COL23A1: variants seen among roughly 807,000 people sequenced by gnomAD.
COL23A1 encodes collagen alpha-1(XXIII) chain.
A neutral mutation model predicts 99.3 loss-of-function variants in COL23A1; 97 were observed. That is an observed-to-expected ratio of 0.98 (90% CI 0.83 to 1.16). The LOEUF (loss-of-function observed/expected upper bound fraction) is 1.16. COL23A1 is among the 50% of genes most tolerant of loss of function. The probability of loss-of-function intolerance (pLI) is 0.00; values close to 1 mark genes in which losing one functional copy is unlikely to be tolerated. For synonymous variants in COL23A1, 320 were observed against 308.2 expected, an observed-to-expected ratio of 1.04 and a Z score of -0.40; for missense variants, 762 against 757.4, an observed-to-expected ratio of 1.01 and a Z score of -0.07.
chr5:178,444,140 A>T (rs1401111788), intron 2 of COL23A1, among the ~76,000 whole-genome samples: 2 of 152,156 alleles, frequency 1.3e-5, no homozygotes, highest in Non-Finnish European at 1.5e-5. Flanking sequence ...CAGGAGGTCA[A>T]GGCTGCAGTA....
intron 2 of COL23A1, among the ~76,000 whole-genome samples, chr5:178,497,611 T>G (rs1163598734): frequency 2.0e-5 from 3 of 152,150 alleles, no homozygotes; most frequent in African/African-American, 7.2e-5. Context: ...CATAAAATGT[T>G]TACAGAAACA....
intron 2 of COL23A1, among the ~76,000 whole-genome samples, chr5:178,549,362 T>C (rs1268495516): frequency 6.6e-6 from 1 of 151,018 alleles, no homozygotes; most frequent in Non-Finnish European, 1.5e-5. Flanking sequence ...AAATAACAAG[T>C]AGTAGGACAA....
intron 2 of COL23A1, among the ~76,000 whole-genome samples, chr5:178,559,489 C>A (rs519817): frequency 1.6e-4 from 20 of 127,382 alleles, no homozygotes; most frequent in South Asian, 8.3e-4. Flanking sequence ...CACCCAAAAG[C>A]CACCTTTCCC....
intron 2 of COL23A1, among the ~76,000 whole-genome samples, chr5:178,545,489 C>T (rs1489164534): frequency 2.0e-5 from 3 of 152,006 alleles, no homozygotes; most frequent in East Asian, 1.9e-4. Flanking sequence ...GTGCCAGGGG[C>T]GGGGAGGAAC....
At chr5:178,249,716 A>ACACACACACACACACACTCTCTCTCT in intron 18 of COL23A1, among the ~76,000 whole-genome samples, 2 of 92,754 alleles carry the variant, frequency 2.2e-5, no homozygotes, top group Admixed American at 1.1e-4. Context: ...ACACACACAC[A>ACACACACACACACACACTCTCTCTCT]CTCTCTCTCT....
chr5:178,577,427 G>C (rs1448538197), intron 1 of COL23A1, among the ~76,000 whole-genome samples: 1 of 152,238 alleles, frequency 6.6e-6, no homozygotes, highest in Non-Finnish European at 1.5e-5. Flanking sequence ...ACTTCGCCAC[G>C]GGAAGGAGGC....
At chr5:178,353,022 G>A (rs960136557) in intron 2 of COL23A1, among the ~76,000 whole-genome samples, 10 of 152,168 alleles carry the variant, frequency 6.6e-5, no homozygotes, top group African/African-American at 1.9e-4. Flanking sequence ...ATGCACATAC[G>A]CTTTGATCTA....
intron 2 of COL23A1, among the ~76,000 whole-genome samples, chr5:178,555,734 T>C (rs527802738): frequency 6.6e-6 from 1 of 151,916 alleles, no homozygotes; most frequent in East Asian, 1.9e-4. Flanking sequence ...CAAGGCGGAG[T>C]CAAGACTCAA....
intron 2 of COL23A1, among the ~76,000 whole-genome samples, chr5:178,513,572 T>C (rs1224487551): frequency 6.6e-6 from 1 of 152,202 alleles, no homozygotes; most frequent in Non-Finnish European, 1.5e-5. Flanking sequence ...TTCCTGCTCA[T>C]CTGGGTGGTT....
Position 178,385,122 on chromosome 5 carries a change from C to T in COL23A1, c.362-78203G>A, listed in dbSNP as rs549493376. 1.4e-4 allele frequency among the ~76,000 whole-genome samples: 21 copies of T among 152,314 alleles called. No individual in the cohort carries two copies. The South Asian group carries it at 3.3e-3, about 24-fold the overall frequency. ...AGCATTGGGGTGGGGTTATCACCCA[C>T]AGCTATAGGAGTGTGGGACTTGCTG... On this transcript the variant is annotated intron_variant, in intron 2 of 28. Transcript: ENST00000390654.
At chr5:178,470,906 G>C (rs1162088239) in intron 2 of COL23A1, among the ~76,000 whole-genome samples, 4 of 152,234 alleles carry the variant, frequency 2.6e-5, no homozygotes, top group African/African-American at 9.6e-5. Flanking sequence ...AGGAGCCCCA[G>C]AGTGTGCACT....
intron 2 of COL23A1, 132 bp downstream of exon 2, chr5:178,560,550 A>C: frequency 1.4e-6 from 1 of 704,808 alleles, no homozygotes. Context: ...GTGGGAAAGA[A>C]AGGCCCCAGG....
intron 5 of COL23A1, among the ~76,000 whole-genome samples, chr5:178,275,027 T>C (rs1380680221): frequency 6.6e-6 from 1 of 152,166 alleles, no homozygotes; most frequent in East Asian, 1.9e-4. Flanking sequence ...GGGCTGCACA[T>C]GAGCAGCAGG....
intron 4 of COL23A1, 155 bp from the exon 5 acceptor site, chr5:178,288,505 TG>T: frequency 1.4e-6 from 1 of 739,252 alleles, no homozygotes; most frequent in South Asian, 1.5e-5. Flanking sequence ...CCAGGGGTCT[TG>T]GGGGCAGAGC....
At chr5:178,554,277 C>T (rs1562084852) in intron 2 of COL23A1, among the ~76,000 whole-genome samples, 1 of 152,068 alleles carries the variant, frequency 6.6e-6, no homozygotes, top group Admixed American at 6.5e-5. Flanking sequence ...CTCCTGAGTT[C>T]AAGCAATCCT....
At chr5:178,515,272 C>T (rs1759440079) in intron 2 of COL23A1, among the ~76,000 whole-genome samples, 1 of 152,242 alleles carries the variant, frequency 6.6e-6, no homozygotes, top group Non-Finnish European at 1.5e-5. Flanking sequence ...TCCAGCCTCC[C>T]TCCCTGCAGC....
intron 2 of COL23A1, among the ~76,000 whole-genome samples, chr5:178,347,133 C>T (rs1169816179): frequency 1.3e-5 from 2 of 152,172 alleles, no homozygotes; most frequent in African/African-American, 2.4e-5. Flanking sequence ...CACTGGGAGC[C>T]GCACTGGCCC....
intron 14 of COL23A1, among the ~76,000 whole-genome samples, chr5:178,256,661 G>T (rs1765316666): frequency 6.6e-6 from 1 of 152,170 alleles, no homozygotes; most frequent in Non-Finnish European, 1.5e-5. Context: ...CACAAAGCTG[G>T]GCACCAGTGG....
intron 2 of COL23A1, among the ~76,000 whole-genome samples, chr5:178,529,908 G>A (rs1335216308): frequency 2.0e-5 from 3 of 152,212 alleles, no homozygotes; most frequent in African/African-American, 4.8e-5. Context: ...GTCTTGTTTT[G>A]TAAGGTAGCA....
Sources: gnomAD v4.1 joint callset for allele counts (sites outside exome capture counted in the v4.1 genomes callset) on GRCh38, gnomAD v4.1.1 for gene constraint, MANE v1.5 for transcripts, NCBI Gene and HGNC (gene_info 2026-07-23, HGNC 2026-07-21) for gene names.